The following KIF16B variants were observed in gnomAD, a reference collection of about 807,000 sequenced individuals.
The protein encoded by KIF16B is kinesin-like protein KIF16B.
Under a neutral mutation model 156.3 loss-of-function variants are expected in KIF16B, and 98 were observed. The observed-to-expected ratio is 0.63, with a 90% CI of 0.53 to 0.74. The LOEUF (loss-of-function observed/expected upper bound fraction) is 0.74, where lower values mean the gene tolerates loss of function less well. Ranked by LOEUF, KIF16B falls within the 30% of genes least tolerant of loss-of-function variation. KIF16B has a pLI of 0.00. For missense variants in KIF16B, 1,421 were observed against 1,606.5 expected, an observed-to-expected ratio of 0.88 and a Z score of 1.97; for synonymous variants, 564 against 583.7, an observed-to-expected ratio of 0.97 and a Z score of 0.49.
chr20:16,483,138 T>C (rs1293739927), intron 12 of KIF16B, among the ~76,000 whole-genome samples: 2 of 152,092 alleles, frequency 1.3e-5, no homozygotes, highest in Non-Finnish European at 1.5e-5. Context: ...GAGATATGAA[T>C]CTGTAATTGC....
intron 15 of KIF16B, among the ~76,000 whole-genome samples, chr20:16,409,149 T>C (rs772759427): frequency 1.3e-4 from 20 of 152,018 alleles, no homozygotes; most frequent in Non-Finnish European, 2.6e-4. Context: ...TAAGGGTTTA[T>C]TATAGGGGAA....
At chr20:16,349,801 C>G (rs1455827996) in intron 23 of KIF16B, among the ~76,000 whole-genome samples, 9 of 152,188 alleles carry the variant, frequency 5.9e-5, no homozygotes. Flanking sequence ...TGTCTCACTT[C>G]AGGGTCTTTT....
At chr20:16,549,009 C>CG (rs1256418152) in intron 1 of KIF16B, among the ~76,000 whole-genome samples, 2 of 98,100 alleles carry the variant, frequency 2.0e-5, no homozygotes, top group East Asian at 7.0e-4. Context: ...TACTCATTTT[C>CG]GGTTTTTTTT....
chr20:16,505,627 G>C (rs545371751), intron 9 of KIF16B, 95 bp downstream of exon 9: 1 of 1,085,102 alleles, frequency 9.2e-7, no homozygotes, highest in East Asian at 2.5e-5. Flanking sequence ...AGATGTAAAA[G>C]GTGCTATTTC....
intron 17 of KIF16B, among the ~76,000 whole-genome samples, chr20:16,386,820 C>T (rs1273455733): frequency 2.6e-5 from 4 of 152,132 alleles, no homozygotes; most frequent in Admixed American, 2.0e-4. Flanking sequence ...AACCTTCCTA[C>T]ACCTCAATTA....
At chr20:16,533,190 G>A (rs1448546071) in intron 1 of KIF16B, among the ~76,000 whole-genome samples, 2 of 152,170 alleles carry the variant, frequency 1.3e-5, no homozygotes, top group African/African-American at 2.4e-5. Flanking sequence ...GGAGCAGGAG[G>A]CAGTTTCACT....
rs1043205325 is a variant in KIF16B, at chr20:16,526,280, C to A, written c.118-75G>T. 7 of 696,828 alleles carry A rather than the reference C, an allele frequency of 1.0e-5. No homozygotes were observed. In the Admixed American group the frequency reaches 1.1e-4, roughly 11 times the overall value. 43.2% of individuals were successfully genotyped at this position (696,828 alleles called of 1,614,324 possible). A position where few individuals can be genotyped will look rare whatever the true frequency, so the allele number is the denominator to read the frequency against. On this transcript the variant is annotated intron_variant, in intron 2 of 25. Transcript: ENST00000354981. ...TTTGACCCAAATTTCCATGTTTATA[C>A]CCTGACTAAAAACCATTTCATTCCT...
intron 15 of KIF16B, among the ~76,000 whole-genome samples, chr20:16,408,094 C>T (rs2065832084): frequency 6.6e-6 from 1 of 152,148 alleles, no homozygotes; most frequent in Non-Finnish European, 1.5e-5. Flanking sequence ...TTCTGGAGCT[C>T]AGGCCAGCAT....
At chr20:16,465,350 G>A (rs6080272) in intron 12 of KIF16B, among the ~76,000 whole-genome samples, 93 of 152,298 alleles carry the variant, frequency 6.1e-4, no homozygotes, top group African/African-American at 1.8e-3. Flanking sequence ...ATGCAGTTTA[G>A]GTACATACCC....
intron 12 of KIF16B, among the ~76,000 whole-genome samples, chr20:16,470,949 C>T (rs1210121522): frequency 1.3e-5 from 2 of 152,010 alleles, no homozygotes; most frequent in Non-Finnish European, 2.9e-5. Context: ...TTCCCTTGTT[C>T]CTCCCTCAAT....
intron 1 of KIF16B, among the ~76,000 whole-genome samples, chr20:16,556,451 T>C (rs1160610935): frequency 6.6e-6 from 1 of 152,178 alleles, no homozygotes; most frequent in Non-Finnish European, 1.5e-5. Flanking sequence ...GCTTGCTGAG[T>C]GAATAATCAT....
intron 17 of KIF16B, among the ~76,000 whole-genome samples, chr20:16,393,879 A>G (rs965954290): frequency 6.6e-6 from 1 of 152,212 alleles, no homozygotes. Context: ...GGACAAATGG[A>G]CAAGTGTTCT....
chr20:16,341,073 G>C (rs2064132631), intron 23 of KIF16B, among the ~76,000 whole-genome samples: 1 of 152,124 alleles, frequency 6.6e-6, no homozygotes. Context: ...TGTGTGTGTG[G>C]AGCTGGGAGG....
At chr20:16,487,151 G>A (rs1301477315) in intron 12 of KIF16B, among the ~76,000 whole-genome samples, 1 of 152,070 alleles carries the variant, frequency 6.6e-6, no homozygotes, top group East Asian at 1.9e-4. Flanking sequence ...TACTTGGGAG[G>A]CTGAGGCAGG....
At position 16,441,058 on chromosome 20, in the gene KIF16B, C is replaced by T. The variant is rs114020011; in HGVS notation, c.1303-11076G>A. Among the ~76,000 whole-genome samples, 1,475 of 152,278 alleles carry T rather than the reference C, an allele frequency of 9.7e-3. 21 individuals carry two copies. The highest frequency in any genetic ancestry group is 0.023 in the East Asian group (119 of 5,184). On this transcript the variant is annotated intron_variant, in intron 12 of 25. Transcript: ENST00000354981. ...GAGCAGCATCTTCTGATCACAAGTA[C>T]TTTAGTATATTTCACCTACATGGAA...
chr20:16,554,578 C>T (rs1365940866), intron 1 of KIF16B, among the ~76,000 whole-genome samples: 1 of 152,228 alleles, frequency 6.6e-6, no homozygotes, highest in Non-Finnish European at 1.5e-5. Flanking sequence ...AGGACAGGAA[C>T]TTGGGACCCA....
chr20:16,322,718 T>C (rs912204733), intron 24 of KIF16B, among the ~76,000 whole-genome samples: 3 of 152,010 alleles, frequency 2.0e-5, no homozygotes, highest in African/African-American at 7.2e-5. Context: ...CTGACTTCAA[T>C]GTTTATTACA....
intron 12 of KIF16B, among the ~76,000 whole-genome samples, chr20:16,438,083 G>A (rs777203598): frequency 6.6e-6 from 1 of 151,940 alleles, no homozygotes; most frequent in African/African-American, 2.4e-5. Flanking sequence ...GGAGGAGGAC[G>A]TTGCAGTGAG....
intron 12 of KIF16B, among the ~76,000 whole-genome samples, chr20:16,493,320 T>C (rs757426596): frequency 5.1e-4 from 78 of 152,336 alleles, no homozygotes; most frequent in Middle Eastern, 6.8e-3. Flanking sequence ...AATATAATGC[T>C]GAGCCTGCAT....
Sources: gnomAD v4.1 joint callset for allele counts (sites outside exome capture counted in the v4.1 genomes callset) on GRCh38, gnomAD v4.1.1 for gene constraint, MANE v1.5 for transcripts, NCBI Gene and HGNC (gene_info 2026-07-23, HGNC 2026-07-21) for gene names.